UTRN: variants seen among roughly 807,000 people sequenced by gnomAD.
UTRN encodes the protein dystrophin-related protein 1.
In UTRN, 283 loss-of-function variants were observed where a neutral mutation model predicts 463.9. That is an observed-to-expected ratio of 0.61 (90% CI 0.55 to 0.67). The LOEUF is 0.67. Ranked by LOEUF, UTRN falls within the 30% of genes least tolerant of loss-of-function variation. The pLI is 0.00. For synonymous variants in UTRN, 1,442 were observed against 1,431.5 expected, an observed-to-expected ratio of 1.01 and a Z score of -0.17; for missense variants, 3,922 against 4,084.3, an observed-to-expected ratio of 0.96 and a Z score of 1.08.
intron 39 of UTRN, among the ~76,000 whole-genome samples, chr6:144,521,336 C>G (rs961090346): frequency 9.9e-5 from 15 of 152,014 alleles, no homozygotes; most frequent in African/African-American, 3.6e-4. Flanking sequence ...AGAAGAGGAT[C>G]CAGAAAATCT....
intron 2 of UTRN, among the ~76,000 whole-genome samples, chr6:144,360,523 C>T (rs1167331986): frequency 1.3e-5 from 2 of 152,184 alleles, no homozygotes; most frequent in Admixed American, 1.3e-4. Context: ...GTAGCAGAGG[C>T]TGCTATTGAC....
At chr6:144,395,851 G>T (rs1423423933) in intron 2 of UTRN, among the ~76,000 whole-genome samples, 1 of 152,124 alleles carries the variant, frequency 6.6e-6, no homozygotes, top group Non-Finnish European at 1.5e-5. Context: ...CACTAGGATG[G>T]CTATACATTT....
Position 144,516,304 on chromosome 6 carries a change from G to C in UTRN, c.5320G>C (p.Asp1774His). The change falls in exon 38 of 75, where the codon GAC (aspartate) becomes CAC (histidine). Residue 1774 changes from aspartate to histidine, a missense_variant. Transcript: ENST00000367545. Reference sequence around the variant, plus strand: ...ATTTGAAACTGGTGTGCCTTTCTCTGACTTGGAAAAATTAGAAAATGACAT... The same window carrying C: ...ATTTGAAACTGGTGTGCCTTTCTCTCACTTGGAAAAATTAGAAAATGACAT... ...ETFETGVPFSDLEKLENDIEN... is the reference protein window; with the variant it reads ...ETFETGVPFSHLEKLENDIEN... 6.2e-7 allele frequency: 1 copy of C among 1,613,778 alleles called. No individual in the cohort carries two copies. Among genetic ancestry groups the C allele is most frequent in the South Asian group, 1.1e-5 (1 of 91,050 alleles).
At chr6:144,393,971 T>C (rs1420828555) in intron 2 of UTRN, among the ~76,000 whole-genome samples, 1 of 152,214 alleles carries the variant, frequency 6.6e-6, no homozygotes, top group African/African-American at 2.4e-5. Flanking sequence ...TCTGGAAGAA[T>C]GGAAAGATCA....
chr6:144,312,495 A>G (rs1454748218), intron 2 of UTRN, among the ~76,000 whole-genome samples: 1 of 152,174 alleles, frequency 6.6e-6, no homozygotes, highest in Non-Finnish European at 1.5e-5. Flanking sequence ...CATACAAATA[A>G]TTATTATAAT....
chr6:144,657,381 T>C (rs994874347), intron 51 of UTRN, among the ~76,000 whole-genome samples: 4 of 152,100 alleles, frequency 2.6e-5, no homozygotes, highest in Admixed American at 1.3e-4. Context: ...TAGCAGAGGA[T>C]GTCAGTTCTG....
At chr6:144,289,734 C>A (rs994423661) in intron 1 of UTRN, among the ~76,000 whole-genome samples, 1 of 152,068 alleles carries the variant, frequency 6.6e-6, no homozygotes, top group Non-Finnish European at 1.5e-5. Flanking sequence ...CTGTAACCAC[C>A]GCCTCCTGGA....
At chr6:144,376,777 G>A (rs1287585582) in intron 2 of UTRN, among the ~76,000 whole-genome samples, 1 of 152,144 alleles carries the variant, frequency 6.6e-6, no homozygotes, top group East Asian at 1.9e-4. Context: ...TGCTATAGGT[G>A]CCTGTGGTTA....
At chr6:144,744,780 A>T (rs776130978) in intron 54 of UTRN, among the ~76,000 whole-genome samples, 1 of 152,078 alleles carries the variant, frequency 6.6e-6, no homozygotes, top group Non-Finnish European at 1.5e-5. Flanking sequence ...GCCTTTCCCA[A>T]TGCAAATTAG....
chr6:144,631,244 GTGTGTGT>G (rs1776489189), intron 51 of UTRN, among the ~76,000 whole-genome samples: 2 of 98,162 alleles, frequency 2.0e-5, no homozygotes, highest in East Asian at 4.6e-3. Flanking sequence ...AGAGGTGTGT[GTGTGTGT>G]GTGTGTGTGT....
intron 51 of UTRN, among the ~76,000 whole-genome samples, chr6:144,640,206 TA>T (rs1219355144): frequency 6.6e-6 from 1 of 152,130 alleles, no homozygotes. Context: ...CCCTCCACCT[TA>T]ATATCAAGAA....
intron 69 of UTRN, among the ~76,000 whole-genome samples, chr6:144,833,947 G>A (rs1780887256): frequency 6.6e-6 from 1 of 152,168 alleles, no homozygotes; most frequent in Non-Finnish European, 1.5e-5. Flanking sequence ...CTTTTGGATT[G>A]CTTTCAAATG....
rs574936011 is a variant in UTRN at position 144,727,748 on chromosome 6, C to T, written c.7810-2609C>T. On this transcript the variant is annotated intron_variant, in intron 53 of 74. Coordinates refer to ENST00000367545, the MANE Select transcript of UTRN (RefSeq NM_007124.3). The stretch of plus-strand genomic sequence containing the variant: ...CCACTGCACTCCAGCCTGGGCAACA[C>T]AGCGAGACTCTGTCTCAAAAAACAA... Among the ~76,000 whole-genome samples the T allele has an allele frequency of 2.1e-4, 31 of 150,600 alleles. No homozygotes were observed. In the South Asian group the frequency reaches 6.3e-3, roughly 31 times the overall value.
chr6:144,457,996 A>G (rs987361753), intron 19 of UTRN, among the ~76,000 whole-genome samples: 9 of 152,216 alleles, frequency 5.9e-5, no homozygotes, highest in Admixed American at 2.0e-4. Context: ...TTTTAGATTA[A>G]GGGAAGGACT....
intron 69 of UTRN, among the ~76,000 whole-genome samples, chr6:144,833,280 C>A (rs1291377719): frequency 6.6e-6 from 1 of 152,162 alleles, no homozygotes; most frequent in Non-Finnish European, 1.5e-5. Context: ...ACTTGAATGA[C>A]CTGCCTGGTC....
chr6:144,848,123 C>T (rs1186341667), intron 74 of UTRN, among the ~76,000 whole-genome samples: 1 of 151,956 alleles, frequency 6.6e-6, no homozygotes, highest in Non-Finnish European at 1.5e-5. Flanking sequence ...AATTGGAAGC[C>T]GGGACTTTAG....
chr6:144,700,392 T>G, intron 53 of UTRN, 149 bp downstream of exon 53: 1 of 885,356 alleles, frequency 1.1e-6, no homozygotes, highest in South Asian at 2.6e-5. Context: ...CAGTAGACAT[T>G]TAAAGTGCAT....
chr6:144,788,889 T>G (rs576068667), intron 61 of UTRN, among the ~76,000 whole-genome samples: 2 of 152,318 alleles, frequency 1.3e-5, no homozygotes, highest in South Asian at 4.1e-4. Context: ...AAAGGTGAAA[T>G]CTTTTCAGCT....
intron 34 of UTRN, among the ~76,000 whole-genome samples, chr6:144,506,599 T>C (rs1411024424): frequency 6.6e-6 from 1 of 152,238 alleles, no homozygotes; most frequent in Admixed American, 6.5e-5. Flanking sequence ...CCCATTCTCT[T>C]CTGGCTTGTA....
Sources: allele counts gnomAD v4.1 joint callset (sites outside exome capture counted in the v4.1 genomes callset), GRCh38; gene constraint gnomAD v4.1.1; transcripts MANE v1.5; gene names NCBI Gene and HGNC (gene_info 2026-07-23, HGNC 2026-07-21).